ABI3BP: variants seen among roughly 807,000 people sequenced by gnomAD.
ABI3BP encodes the protein target of Nesh-SH3.
A neutral mutation model predicts 268.6 loss-of-function variants in ABI3BP; 216 were observed. That is an observed-to-expected ratio of 0.80 (90% CI 0.72 to 0.90). The LOEUF (loss-of-function observed/expected upper bound fraction) is 0.90, where lower values mean the gene tolerates loss of function less well. ABI3BP is among the 40% of genes least tolerant of loss of function. The pLI is 0.00. For synonymous variants in ABI3BP, 730 were observed against 730.0 expected (o/e 1.00, Z 0.00); for missense variants, 2,090 against 2,182.4 (o/e 0.96, Z 0.84).
chr3:100,787,478 C>T (rs372398708), intron 57 of ABI3BP, among the ~76,000 whole-genome samples: 32 of 152,078 alleles, frequency 2.1e-4, no homozygotes, highest in African/African-American at 6.7e-4. Flanking sequence ...TAATCAGGAT[C>T]GTTTTCAGAA....
chr3:100,796,785 A>G (rs1560182851), intron 51 of ABI3BP, among the ~76,000 whole-genome samples: 1 of 152,108 alleles, frequency 6.6e-6, no homozygotes, highest in African/African-American at 2.4e-5. Flanking sequence ...CAAAATAGAA[A>G]GTCAGTTTTT....
In ABI3BP at chr3:100,752,937, C is replaced by G; in HGVS notation, c.4972G>C (p.Ala1658Pro). Residue 1658 changes from alanine to proline, a missense_variant, in exon 66 of 68, where the codon GCC (alanine) becomes CCC (proline). Coordinates refer to ENST00000471714, the MANE Select transcript of ABI3BP (RefSeq NM_001375547.2). ...VSEPVSAGRD[A>P]IWTERPFNSD... The stretch of plus-strand genomic sequence containing the variant: ...TTAAAGGGTCTTTCAGTCCAGATGG[C>G]ATCTCTTCCTGCTACAAAAGGAAAA... 6.2e-7 allele frequency: 1 copy of G among 1,610,940 alleles called. No homozygotes were observed. The highest frequency in any genetic ancestry group is 8.5e-7 in the Non-Finnish European group (1 of 1,178,440).
At chr3:100,909,629 A>C (rs934486970) in intron 2 of ABI3BP, among the ~76,000 whole-genome samples, 2 of 152,262 alleles carry the variant, frequency 1.3e-5, no homozygotes, top group African/African-American at 4.8e-5. Flanking sequence ...GACACTTCTC[A>C]AAAGAAGACA....
chr3:100,911,496 C>A, intron 2 of ABI3BP: 1 of 428,624 alleles, frequency 2.3e-6, no homozygotes, highest in Non-Finnish European at 4.3e-6. Context: ...TTGTTTTTCA[C>A]TTTTTTTTGC....
chr3:100,951,629 G>A (rs2153768113), intron 1 of ABI3BP, among the ~76,000 whole-genome samples: 1 of 151,996 alleles, frequency 6.6e-6, no homozygotes, highest in African/African-American at 2.4e-5. Context: ...TCTATGATGT[G>A]TCACAGTCCT....
intron 1 of ABI3BP, among the ~76,000 whole-genome samples, chr3:100,982,256 G>A (rs1222273355): frequency 2.6e-5 from 4 of 152,106 alleles, no homozygotes; most frequent in African/African-American, 4.8e-5. Context: ...TACAATTCGA[G>A]ACAAGATTTG....
At chr3:100,849,384 C>A (rs747373882) in intron 17 of ABI3BP, among the ~76,000 whole-genome samples, 1 of 151,782 alleles carries the variant, frequency 6.6e-6, no homozygotes, top group African/African-American at 2.4e-5. Flanking sequence ...CCATGACGTC[C>A]GGCTAATTTT....
At chr3:100,914,068 C>A (rs1014399148) in intron 2 of ABI3BP, among the ~76,000 whole-genome samples, 6 of 152,164 alleles carry the variant, frequency 3.9e-5, no homozygotes, top group Non-Finnish European at 8.8e-5. Context: ...ATAGCACAAT[C>A]AGCACAAACA....
In ABI3BP at chr3:100,770,900, A is replaced by G; in HGVS notation, c.4584T>C (p.Thr1528=). 6.2e-7 allele frequency: 1 copy of G among 1,602,064 alleles called. No individual in the cohort carries two copies. The highest frequency in any genetic ancestry group is 1.3e-5 in the African/African-American group (1 of 74,774). Residue 1528 remains threonine, a synonymous_variant, in exon 62 of 68, where the codon ACT becomes ACC. Coordinates refer to ENST00000471714, the MANE Select transcript of ABI3BP (RefSeq NM_001375547.2). ...QKPDNSPCSI[T]DSVKRFPKEE... is the part of the protein sequence containing the mutation. Reference sequence around the variant, plus strand: ...CTTTGGGGAACCGTTTGACAGAGTCAGTAATGGAGCAGGGACTGTTGTCAG... The same window carrying G: ...CTTTGGGGAACCGTTTGACAGAGTCGGTAATGGAGCAGGGACTGTTGTCAG...
intron 2 of ABI3BP, chr3:100,911,253 G>A (rs2056330738): frequency 3.1e-6 from 1 of 323,676 alleles, no homozygotes; most frequent in South Asian, 5.3e-5. Flanking sequence ...CGAGGTGGAG[G>A]TTGTTGTTAC....
Position 100,775,256 on chromosome 3 carries a change from T to C in ABI3BP, c.4413A>G (p.Ile1471Met). The C allele has an allele frequency of 6.2e-7, 1 of 1,611,492 alleles. No individual in the cohort carries two copies. Residue 1471 changes from isoleucine to methionine, a missense_variant, in exon 60 of 68, where the codon ATA becomes ATG. Transcript: ENST00000471714. ...CTGTTGGTTGCTTTATATCTGTCTC[T>C]ATTCTCTCCAAGGGAGTTCCAGTAG... ...PRPTGTPLER[I>M]ETDIKQPTVP...
At chr3:100,780,059 C>T (rs2096824507) in intron 58 of ABI3BP, 73 bp downstream of exon 58, 2 of 1,462,738 alleles carry the variant, frequency 1.4e-6, no homozygotes, top group Admixed American at 3.4e-5. Flanking sequence ...TTTTTGCCAC[C>T]AGGAATGATA....
At chr3:100,802,069 C>T (rs1224839941) in intron 51 of ABI3BP, among the ~76,000 whole-genome samples, 1 of 152,062 alleles carries the variant, frequency 6.6e-6, no homozygotes, top group African/African-American at 2.4e-5. Flanking sequence ...TCATTTTAAA[C>T]AATAAGGCTC....
chr3:100,808,435 T>A (rs887138646), intron 49 of ABI3BP, among the ~76,000 whole-genome samples, 200 bp from the exon 50 acceptor site: 3 of 152,002 alleles, frequency 2.0e-5, no homozygotes, highest in Non-Finnish European at 4.4e-5. Flanking sequence ...TTAAATGATA[T>A]CTAAGATGTT....
intron 51 of ABI3BP, among the ~76,000 whole-genome samples, chr3:100,803,904 G>C (rs1377600793): frequency 1.3e-5 from 2 of 152,102 alleles, no homozygotes; most frequent in Non-Finnish European, 2.9e-5. Flanking sequence ...ATACAATCTG[G>C]AAAACATTAT....
At chr3:100,795,899 T>C (rs2097332094) in intron 52 of ABI3BP, 48 bp from the exon 53 acceptor site, 3 of 1,232,456 alleles carry the variant, frequency 2.4e-6, no homozygotes, top group African/African-American at 3.2e-5. Context: ...AATTACTACC[T>C]GGCAAAGTCA....
chr3:100,903,387 T>G (rs757675245), intron 2 of ABI3BP, among the ~76,000 whole-genome samples: 29 of 152,328 alleles, frequency 1.9e-4, no homozygotes, highest in Non-Finnish European at 3.7e-4. Flanking sequence ...ATCAAATAAT[T>G]TTTTAAATAT....
chr3:100,863,018 T>C, intron 12 of ABI3BP, 109 bp from the exon 13 acceptor site: 1 of 718,214 alleles, frequency 1.4e-6, no homozygotes. Context: ...AGGCAAATCA[T>C]GTTAAGAGAC....
rs952121585 is a variant in ABI3BP at position 100,866,899 on chromosome 3, A to AT, written c.967dup (p.Ile323AsnfsTer11). 3.7e-6 allele frequency: 6 copies of AT among 1,613,802 alleles called. No homozygotes were observed. Among genetic ancestry groups the AT allele is most frequent in the Middle Eastern group, 1.7e-4 (1 of 6,060 alleles). On this transcript the variant is annotated frameshift_variant, in exon 10 of 68. Transcript: ENST00000471714. LOFTEE classifies it high-confidence loss of function. The stretch of plus-strand genomic sequence containing the variant: ...ATTACCTGTTGTGGGTCGTGCTGAG[A>AT]TTTTTTCAACCTCTGGTGTTTTAGA...
Sources: gnomAD v4.1 joint callset for allele counts (sites outside exome capture counted in the v4.1 genomes callset) on GRCh38, gnomAD v4.1.1 for gene constraint, MANE v1.5 for transcripts, NCBI Gene and HGNC (gene_info 2026-07-23, HGNC 2026-07-21) for gene names.